PRTG: variants seen among roughly 807,000 people sequenced by gnomAD.
The protein encoded by PRTG is immunoglobulin superfamily, DCC subclass, member 5.
A neutral mutation model predicts 122.5 loss-of-function variants in PRTG; 67 were observed. That is an observed-to-expected ratio of 0.55 (90% CI 0.45 to 0.67). The LOEUF is 0.67. PRTG is among the 30% of genes least tolerant of loss of function. The pLI is 0.00. For missense variants in PRTG, 1,435 were observed against 1,415.4 expected, an observed-to-expected ratio of 1.01 and a Z score of -0.22; for synonymous variants, 554 against 501.1, an observed-to-expected ratio of 1.11 and a Z score of -1.41.
intron 2 of PRTG, among the ~76,000 whole-genome samples, chr15:55,720,348 C>A (rs1183875523): frequency 6.6e-6 from 1 of 152,110 alleles, no homozygotes; most frequent in Non-Finnish European, 1.5e-5. Flanking sequence ...TGGGGCGAGA[C>A]TCTACCTCCA....
Position 55,627,136 on chromosome 15 carries a change from G to A in PRTG, c.2807-8C>T, listed in dbSNP as rs372342524. On this transcript the variant is annotated splice_region_variant and splice_polypyrimidine_tract_variant and intron_variant, in intron 16 of 19. Transcript: ENST00000389286. ...GGTAATATCCTGAATAAACTAGAAG[G>A]GAAAACACATTTACTCAGAATCAAT... The A allele has an allele frequency of 2.1e-5, 33 of 1,563,946 alleles. No individual in the cohort carries two copies. Among genetic ancestry groups the A allele is most frequent in the Non-Finnish European group, 2.8e-5 (32 of 1,148,244 alleles).
chr15:55,711,654 T>G lies in PRTG; in HGVS notation c.398-27723A>C, dbSNP rs141683217. Among the ~76,000 whole-genome samples, 490 of 152,282 alleles carry G rather than the reference T, an allele frequency of 3.2e-3. 4 individuals carry two copies. Among genetic ancestry groups the G allele is most frequent in the African/African-American group, 6.7e-3 (278 of 41,572 alleles). On this transcript the variant is annotated intron_variant, in intron 2 of 19. Coordinates refer to ENST00000389286, the MANE Select transcript of PRTG (RefSeq NM_173814.6). ...CCCAACCAACAACCAACTATGTGAC[T>G]GAGATCATCCAGCCAACATTCTCCT...
chr15:55,672,484 A>C lies in PRTG; in HGVS notation c.2002T>G (p.Leu668Val). 1 of 1,614,114 alleles carries C rather than the reference A, an allele frequency of 6.2e-7. No homozygotes were observed. The highest frequency in any genetic ancestry group is 8.5e-7 in the Non-Finnish European group (1 of 1,179,998). ...EGQQENGPIF[L>V]DTKDLLYTLS... ...GTATAGAGTAGGTCCTTGGTATCCA[A>C]GAAAATGGGCCCATTCTCCTGCTGC... The change falls in exon 11 of 20, where the codon TTG (leucine) becomes GTG (valine). Residue 668 changes from leucine to valine, a missense_variant. By Grantham distance (32) the Leu-to-Val change is conservative. Transcript: ENST00000389286.
chr15:55,620,966 T>C (rs1468665562), intron 18 of PRTG, among the ~76,000 whole-genome samples, 199 bp from the exon 19 acceptor site: 1 of 152,194 alleles, frequency 6.6e-6, no homozygotes, highest in Admixed American at 6.5e-5. Context: ...GGACTGGGCT[T>C]CTAATGTACT....
At chr15:55,676,954 C>A (rs1424426365) in intron 8 of PRTG, among the ~76,000 whole-genome samples, 1 of 152,174 alleles carries the variant, frequency 6.6e-6, no homozygotes, top group Non-Finnish European at 1.5e-5. Flanking sequence ...AACAAACCAC[C>A]TGTTTCTATG....
intron 11 of PRTG, among the ~76,000 whole-genome samples, chr15:55,662,670 G>C (rs780058959): frequency 1.3e-5 from 2 of 151,716 alleles, no homozygotes; most frequent in Non-Finnish European, 2.9e-5. Flanking sequence ...TTTTAAAAGG[G>C]ACTCCACTGA....
rs200256164 is a variant in PRTG, at chr15:55,619,974, A to G, written c.*38T>C. ...ACAGCAGGGTCTTCACACTTCCTCAATGCGGAATCTCCACCTGAATCACTG... is the reference window on the plus strand; with the variant it reads ...ACAGCAGGGTCTTCACACTTCCTCAGTGCGGAATCTCCACCTGAATCACTG... On this transcript the variant is annotated 3_prime_UTR_variant, in exon 20 of 20. Coordinates refer to ENST00000389286, the MANE Select transcript of PRTG (RefSeq NM_173814.6). The G allele has an allele frequency of 1.2e-6, 2 of 1,609,918 alleles. No individual in the cohort carries two copies. Among genetic ancestry groups the G allele is most frequent in the South Asian group, 1.1e-5 (1 of 90,286 alleles).
intron 10 of PRTG, 103 bp from the exon 11 acceptor site, chr15:55,672,736 G>T: frequency 1.3e-6 from 1 of 768,332 alleles, no homozygotes; most frequent in Non-Finnish European, 1.9e-6. Context: ...ATTACCAAAA[G>T]GTTCAATCCA....
chr15:55,732,540 G>A (rs1315646515), intron 2 of PRTG, among the ~76,000 whole-genome samples: 1 of 147,874 alleles, frequency 6.8e-6, no homozygotes, highest in African/African-American at 2.5e-5. Context: ...TGCTGCCCAG[G>A]CTGAAGTGCA....
In PRTG at chr15:55,672,559, C is replaced by G; in HGVS notation, c.1927G>C (p.Glu643Gln). 1 of 1,614,022 alleles carries G rather than the reference C, an allele frequency of 6.2e-7. No individual in the cohort carries two copies. Among genetic ancestry groups the G allele is most frequent in the Non-Finnish European group, 8.5e-7 (1 of 1,179,946 alleles). ...TISVRWQQDV[E>Q]DTAAIQGYKL... Reference sequence around the variant, plus strand: ...TAGCCCTGAATAGCAGCTGTGTCCTCTACATCTTGCTGCCACCTCACAGAA... The same window carrying G: ...TAGCCCTGAATAGCAGCTGTGTCCTGTACATCTTGCTGCCACCTCACAGAA... Residue 643 changes from glutamate to glutamine, a missense_variant, in exon 11 of 20, where the codon GAG becomes CAG. Glu to Gln is a conservative substitution (Grantham distance 29). Coordinates refer to ENST00000389286, the MANE Select transcript of PRTG (RefSeq NM_173814.6).
At chr15:55,671,783 G>A (rs1567092543) in intron 11 of PRTG, among the ~76,000 whole-genome samples, 1 of 152,166 alleles carries the variant, frequency 6.6e-6, no homozygotes, top group Middle Eastern at 3.2e-3. Context: ...TTACAGGCAT[G>A]AGCCACCACG....
chr15:55,740,328 A>C lies in PRTG; in HGVS notation c.397+54T>G, dbSNP rs1595690486. ...GATTATTATATTAATAAAGCAAGAA[A>C]TCATCAAAATGTAGCAATGAAAAAT... On this transcript the variant is annotated intron_variant, in intron 2 of 19. Transcript: ENST00000389286. The C allele has an allele frequency of 5.5e-6, 8 of 1,466,522 alleles. No individual in the cohort carries two copies. In the East Asian group the frequency reaches 1.8e-4, roughly 33 times the overall value. The allele number at this position is 1,466,522 out of a possible 1,614,324, so 90.8% of individuals were successfully genotyped here. A position where few individuals can be genotyped will look rare whatever the true frequency, so the allele number is the denominator to read the frequency against.
At chr15:55,637,378 A>G in intron 14 of PRTG, 38 bp from the exon 15 acceptor site, 1 of 1,475,798 alleles carries the variant, frequency 6.8e-7, no homozygotes, top group Non-Finnish European at 9.0e-7. Context: ...TAATATAGTA[A>G]AATGGTTCAT....
At chr15:55,717,125 A>C (rs1176710546) in intron 2 of PRTG, among the ~76,000 whole-genome samples, 2 of 152,214 alleles carry the variant, frequency 1.3e-5, no homozygotes, top group Non-Finnish European at 2.9e-5. Context: ...ATATCACAAG[A>C]GATTTGGCTT....
At chr15:55,679,840 C>A (rs190438460) in intron 6 of PRTG, 1 of 521,790 alleles carries the variant, frequency 1.9e-6, no homozygotes, top group East Asian at 3.1e-5. Flanking sequence ...TAAGAAGGAA[C>A]ATAATGGTAT....
chr15:55,663,168 G>A (rs910251890), intron 11 of PRTG, among the ~76,000 whole-genome samples: 2 of 152,044 alleles, frequency 1.3e-5, no homozygotes, highest in African/African-American at 2.4e-5. Flanking sequence ...GTACCAACCC[G>A]CTGTCCTGTG....
At position 55,664,769 on chromosome 15, in the gene PRTG, T is replaced by C. The variant is rs187037031; in HGVS notation, c.2041+7676A>G. ...GCCCAGCTAACTTTTTGATTTTTTG[T>C]AGAGATGGAGTCTCACCATCTTGCC... is the stretch of plus-strand genomic sequence containing the variant. On this transcript the variant is annotated intron_variant, in intron 11 of 19. Transcript: ENST00000389286. Among the ~76,000 whole-genome samples, 56 of 151,990 alleles carry C rather than the reference T, an allele frequency of 3.7e-4. 1 individual carries two copies. The highest frequency in any genetic ancestry group is 8.4e-4 in the African/African-American group (35 of 41,486).
At chr15:55,685,899 G>C (rs1337964963) in intron 2 of PRTG, among the ~76,000 whole-genome samples, 1 of 152,074 alleles carries the variant, frequency 6.6e-6, no homozygotes, top group African/African-American at 2.4e-5. Context: ...TAAAACTCAA[G>C]CCCCATATTC....
At chr15:55,626,627 G>A (rs1428061417) in intron 17 of PRTG, among the ~76,000 whole-genome samples, 4 of 150,582 alleles carry the variant, frequency 2.7e-5, no homozygotes, top group Non-Finnish European at 4.4e-5. Context: ...GCGTGGTGGC[G>A]GGCGCCTGGA....
Sources: allele counts gnomAD v4.1 joint callset (sites outside exome capture counted in the v4.1 genomes callset), GRCh38; gene constraint gnomAD v4.1.1; transcripts MANE v1.5; gene names NCBI Gene and HGNC (gene_info 2026-07-23, HGNC 2026-07-21).